Variants in NTNG1 observed in about 807,000 individuals in gnomAD.
NTNG1 encodes netrin G1, also known as netrin-G1.
NTNG1 carries 16 observed loss-of-function variants against 54.0 expected under a neutral mutation model. The ratio of observed to expected loss-of-function variants is 0.30; its 90% CI spans 0.20 to 0.45. The LOEUF is 0.45. Ranked by LOEUF, NTNG1 falls within the 20% of genes least tolerant of loss-of-function variation. NTNG1 has a pLI of 1.00. For synonymous variants in NTNG1, 255 were observed against 263.1 expected, an observed-to-expected ratio of 0.97 and a Z score of 0.30; for missense variants, 530 against 678.7, an observed-to-expected ratio of 0.78 and a Z score of 2.43.
intron 2 of NTNG1, among the ~76,000 whole-genome samples, chr1:107,187,269 A>G (rs369028219): frequency 2.0e-5 from 3 of 152,160 alleles, no homozygotes; most frequent in African/African-American, 4.8e-5. Context: ...CTAGCACCCA[A>G]TGCAGTACTT....
At chr1:107,189,688 A>G (rs899656577) in intron 2 of NTNG1, among the ~76,000 whole-genome samples, 3 of 152,074 alleles carry the variant, frequency 2.0e-5, no homozygotes, top group Non-Finnish European at 4.4e-5. Context: ...CCATCATCCT[A>G]TCTGGTGTAT....
chr1:107,382,751 T>G (rs751700832), intron 3 of NTNG1, among the ~76,000 whole-genome samples: 1 of 152,014 alleles, frequency 6.6e-6, no homozygotes, highest in African/African-American at 2.4e-5. Context: ...TTTTTGGTTT[T>G]GTTTTCCCTT....
chr1:107,331,326 T>G (rs572572788), intron 3 of NTNG1, among the ~76,000 whole-genome samples: 20 of 152,204 alleles, frequency 1.3e-4, no homozygotes, highest in Non-Finnish European at 2.8e-4. Flanking sequence ...CCTCTTAGAA[T>G]GTTCTGGGAG....
At chr1:107,360,838 C>G (rs1036474682) in intron 3 of NTNG1, among the ~76,000 whole-genome samples, 1 of 152,078 alleles carries the variant, frequency 6.6e-6, no homozygotes, top group Non-Finnish European at 1.5e-5. Context: ...CATCTAGTCA[C>G]CAGTCACTGA....
intron 5 of NTNG1, among the ~76,000 whole-genome samples, chr1:107,418,206 A>T (rs1013777687): frequency 6.6e-6 from 1 of 152,102 alleles, no homozygotes; most frequent in Non-Finnish European, 1.5e-5. Context: ...ATTGAGGAGA[A>T]TGGAATCCTC....
intron 2 of NTNG1, among the ~76,000 whole-genome samples, chr1:107,277,761 G>C (rs1222333151): frequency 6.6e-6 from 1 of 152,166 alleles, no homozygotes. Context: ...CATATCTTGT[G>C]AGAAAGAACA....
At position 107,411,144 on chromosome 1, in the gene NTNG1, A is replaced by G. The variant is rs184361864; in HGVS notation, c.1087+3436A>G. 1.7e-3 allele frequency among the ~76,000 whole-genome samples: 265 copies of G among 152,288 alleles called. 2 individuals carry two copies. The highest frequency in any genetic ancestry group is 6.0e-3 in the African/African-American group (251 of 41,570). ...CAAATGACTGGCATGATGTTATATG[A>G]AGCATAGAATACTGAGGAAGGTGTT... On this transcript the variant is annotated intron_variant, in intron 5 of 7. Transcript: ENST00000370068.
chr1:107,260,828 C>T (rs1172451400), intron 2 of NTNG1: 1 of 152,260 alleles, frequency 6.6e-6, no homozygotes, highest in Non-Finnish European at 1.5e-5. Context: ...CTGGTTTCTT[C>T]TGTTGGCATT....
At chr1:107,175,397 ATTGT>A (rs1007613616) in intron 2 of NTNG1, among the ~76,000 whole-genome samples, 7 of 152,112 alleles carry the variant, frequency 4.6e-5, no homozygotes, top group Admixed American at 3.9e-4. Flanking sequence ...CATAGGATAA[ATTGT>A]TTGTTTCCCT....
intron 6 of NTNG1, among the ~76,000 whole-genome samples, chr1:107,435,907 T>C (rs1327815241): frequency 6.6e-6 from 1 of 152,094 alleles, no homozygotes; most frequent in Non-Finnish European, 1.5e-5. Context: ...GCTTCAGAAG[T>C]AAAAATATCC....
chr1:107,439,509 C>G (rs1675827986), intron 7 of NTNG1, among the ~76,000 whole-genome samples: 1 of 152,016 alleles, frequency 6.6e-6, no homozygotes, highest in Non-Finnish European at 1.5e-5. Context: ...AAAGATTATT[C>G]TAGCTACTAA....
intron 5 of NTNG1, chr1:107,409,154 A>G (rs1350415750): frequency 6.6e-6 from 1 of 152,180 alleles, no homozygotes; most frequent in East Asian, 1.9e-4. Context: ...CTAATAGTCT[A>G]ATTTTTCTGC....
At chr1:107,251,049 G>T (rs1029334076) in intron 2 of NTNG1, among the ~76,000 whole-genome samples, 18 of 152,226 alleles carry the variant, frequency 1.2e-4, no homozygotes, top group Non-Finnish European at 2.4e-4. Flanking sequence ...ACAAAATGTT[G>T]AAAGAATACA....
At chr1:107,206,421 C>G (rs927952061) in intron 2 of NTNG1, among the ~76,000 whole-genome samples, 4 of 152,086 alleles carry the variant, frequency 2.6e-5, no homozygotes, top group Non-Finnish European at 5.9e-5. Context: ...TTTACTGGCC[C>G]TTTGAGCATG....
At chr1:107,251,282 A>C (rs1662588825) in intron 2 of NTNG1, among the ~76,000 whole-genome samples, 1 of 152,198 alleles carries the variant, frequency 6.6e-6, no homozygotes. Flanking sequence ...TTGATGAGTA[A>C]ATGTTTTTAT....
At chr1:107,440,085 G>A (rs1352669854) in intron 7 of NTNG1, among the ~76,000 whole-genome samples, 1 of 151,880 alleles carries the variant, frequency 6.6e-6, no homozygotes, top group Non-Finnish European at 1.5e-5. Flanking sequence ...ACCAGTGGGA[G>A]AGTAGGGCTG....
At chr1:107,315,990 C>G (rs186017227) in intron 2 of NTNG1, among the ~76,000 whole-genome samples, 75 of 152,232 alleles carry the variant, frequency 4.9e-4, no homozygotes, top group African/African-American at 1.5e-3. Flanking sequence ...AAGTTCACTT[C>G]TTTTTTCAGG....
At position 107,154,620 on chromosome 1, in the gene NTNG1, A is replaced by C. The variant is rs978138471; in HGVS notation, c.246+5781A>C. ...CAAAAAAAAAAAAAAAAAAAAAAAA[A>C]AAAACTGGGTGGAGCAGATGGTGGC... On this transcript the variant is annotated intron_variant, in intron 2 of 7. Transcript: ENST00000370068. Among the ~76,000 whole-genome samples the C allele has an allele frequency of 1.3e-3, 194 of 147,740 alleles. 1 individual carries two copies. Among genetic ancestry groups the C allele is most frequent in the Middle Eastern group, 3.5e-3 (1 of 288 alleles).
At chr1:107,374,173 T>C (rs1215465020) in intron 3 of NTNG1, among the ~76,000 whole-genome samples, 1 of 152,228 alleles carries the variant, frequency 6.6e-6, no homozygotes, top group Non-Finnish European at 1.5e-5. Context: ...GCTTTCAAGA[T>C]AGTCTGTATT....
Sources: gnomAD v4.1 joint callset for allele counts (sites outside exome capture counted in the v4.1 genomes callset) on GRCh38, gnomAD v4.1.1 for gene constraint, MANE v1.5 for transcripts, NCBI Gene and HGNC (gene_info 2026-07-23, HGNC 2026-07-21) for gene names.